Variants in DLGAP2 observed in about 807,000 individuals in gnomAD.
DLGAP2 encodes disks large-associated protein 2.
A neutral mutation model predicts 100.3 loss-of-function variants in DLGAP2; 26 were observed. The ratio of observed to expected loss-of-function variants is 0.26; its 90% CI spans 0.19 to 0.36. The LOEUF is 0.36. Ranked by LOEUF, DLGAP2 falls within the 10% of genes least tolerant of loss-of-function variation. The pLI is 1.00. For synonymous variants in DLGAP2, 886 were observed against 630.1 expected (o/e 1.41, Z -6.08); for missense variants, 1,858 against 1,453.2 (o/e 1.28, Z -4.53).
intron 1 of DLGAP2, among the ~76,000 whole-genome samples, chr8:765,965 G>A (rs561899442): frequency 1.3e-5 from 2 of 152,238 alleles, no homozygotes; most frequent in South Asian, 2.1e-4. Flanking sequence ...TCGGGAATTC[G>A]AGACCAGTCT....
intron 2 of DLGAP2, chr8:1,001,963 T>G (rs1225133162): frequency 6.6e-6 from 1 of 152,214 alleles, no homozygotes; most frequent in Admixed American, 6.5e-5. Flanking sequence ...ACCGGGCGAA[T>G]TGACTCTTTT....
At chr8:1,431,246 G>A (rs1189283056) in intron 3 of DLGAP2, among the ~76,000 whole-genome samples, 1 of 152,172 alleles carries the variant, frequency 6.6e-6, no homozygotes. Context: ...CACATCATTA[G>A]AATCATTATG....
At chr8:1,162,952 GA>G (rs1408519107) in intron 2 of DLGAP2, among the ~76,000 whole-genome samples, 1 of 152,228 alleles carries the variant, frequency 6.6e-6, no homozygotes, top group Non-Finnish European at 1.5e-5. Flanking sequence ...ATCTGGGGAG[GA>G]AAGTCAGAGC....
intron 6 of DLGAP2, among the ~76,000 whole-genome samples, chr8:1,582,608 A>G (rs1338534574): frequency 6.6e-6 from 1 of 151,548 alleles, no homozygotes; most frequent in East Asian, 1.9e-4. Flanking sequence ...TTCCCCCGCC[A>G]AGATGGAGTC....
intron 2 of DLGAP2, among the ~76,000 whole-genome samples, chr8:1,092,575 G>A (rs1804221569): frequency 6.6e-6 from 1 of 152,214 alleles, no homozygotes; most frequent in African/African-American, 2.4e-5. Flanking sequence ...ATCCACAGGT[G>A]GACCCACTTC....
chr8:1,445,859 C>T (rs1584912325), intron 3 of DLGAP2, among the ~76,000 whole-genome samples: 3 of 152,320 alleles, frequency 2.0e-5, no homozygotes, highest in African/African-American at 4.8e-5. Context: ...AGCATATTTT[C>T]ATGTGGTTTT....
Position 926,967 on chromosome 8 carries a change from G to T in DLGAP2, c.73+19001G>T, listed in dbSNP as rs888866233. ...TGCGCTGTGGGGGTGGGGACAGCGT[G>T]GGGGGAAGCCAGGAAAAGCCGGGGC... On this transcript the variant is annotated intron_variant, in intron 2 of 14. Coordinates refer to ENST00000637795, the MANE Select transcript of DLGAP2 (RefSeq NM_001346810.2). 44 of 954,740 alleles carry T rather than the reference G, an allele frequency of 4.6e-5. 1 individual carries two copies. In the Middle Eastern group the frequency reaches 1.6e-3, roughly 35 times the overall value. 59.1% of individuals were successfully genotyped at this position (954,740 alleles called of 1,614,324 possible).
intron 5 of DLGAP2, among the ~76,000 whole-genome samples, chr8:1,557,700 C>G (rs1482357447): frequency 6.6e-6 from 1 of 152,178 alleles, no homozygotes; most frequent in African/African-American, 2.4e-5. Context: ...CCAAGGCCAG[C>G]TCCTGCTGAG....
At chr8:1,609,518 A>G (rs1055544947) in intron 6 of DLGAP2, among the ~76,000 whole-genome samples, 1 of 137,444 alleles carries the variant, frequency 7.3e-6, no homozygotes, top group Non-Finnish European at 1.6e-5. Flanking sequence ...ACATAATGAC[A>G]GGATCAAATT....
At chr8:1,287,489 T>C (rs1799954484) in intron 3 of DLGAP2, among the ~76,000 whole-genome samples, 2 of 50,580 alleles carry the variant, frequency 4.0e-5, no homozygotes, top group Non-Finnish European at 6.9e-5. Context: ...TGTGTGTGTG[T>C]GTGTGTGGTT....
chr8:1,414,771 G>T (rs1332888510), intron 3 of DLGAP2, among the ~76,000 whole-genome samples: 1 of 152,210 alleles, frequency 6.6e-6, no homozygotes, highest in East Asian at 1.9e-4. Flanking sequence ...CACTTTCGGA[G>T]GCCAAGGTGG....
chr8:756,753 C>T (rs1820930935), intron 1 of DLGAP2, among the ~76,000 whole-genome samples: 2 of 152,158 alleles, frequency 1.3e-5, no homozygotes, highest in Admixed American at 6.5e-5. Context: ...GCCACACCCT[C>T]CTCACCCTGA....
chr8:1,352,649 C>G (rs973291172), intron 3 of DLGAP2, among the ~76,000 whole-genome samples: 2 of 152,198 alleles, frequency 1.3e-5, no homozygotes, highest in African/African-American at 4.8e-5. Context: ...GGTAAAGACT[C>G]GAACCCTGAC....
intron 3 of DLGAP2, among the ~76,000 whole-genome samples, chr8:1,307,797 A>G (rs978912306): frequency 7.9e-5 from 12 of 152,190 alleles, no homozygotes; most frequent in Admixed American, 7.9e-4. Flanking sequence ...TTCCCCTCAC[A>G]TGAGGTACGA....
At chr8:1,083,491 A>G (rs1340674884) in intron 2 of DLGAP2, among the ~76,000 whole-genome samples, 1 of 152,180 alleles carries the variant, frequency 6.6e-6, no homozygotes, top group Non-Finnish European at 1.5e-5. Context: ...TTAGTGCCCA[A>G]ATTTATGCTC....
At chr8:917,522 G>A (rs1798620117) in intron 2 of DLGAP2, among the ~76,000 whole-genome samples, 1 of 152,124 alleles carries the variant, frequency 6.6e-6, no homozygotes, top group South Asian at 2.1e-4. Flanking sequence ...ACAGGTGCGA[G>A]CTACTGCACC....
At chr8:1,258,295 A>T (rs1190369580) in intron 2 of DLGAP2, among the ~76,000 whole-genome samples, 1 of 152,210 alleles carries the variant, frequency 6.6e-6, no homozygotes, top group Non-Finnish European at 1.5e-5. Flanking sequence ...TCACCTATAT[A>T]CAATTAAGAA....
At chr8:1,108,975 G>A (rs1483968221) in intron 2 of DLGAP2, among the ~76,000 whole-genome samples, 4 of 145,148 alleles carry the variant, frequency 2.8e-5, no homozygotes, top group Non-Finnish European at 6.0e-5. Flanking sequence ...GTGTGTACGG[G>A]TCTGTGAGGT....
At position 1,107,554 on chromosome 8, in the gene DLGAP2, T is replaced by C. The variant is rs148257411; in HGVS notation, c.74-151297T>C. 4.4e-3 allele frequency among the ~76,000 whole-genome samples: 672 copies of C among 152,308 alleles called. 1 individual carries two copies. Among genetic ancestry groups the C allele is most frequent in the African/African-American group, 0.015 (635 of 41,554 alleles). ...GCGTGGGAAGCTCGTGTGCTGTTAT[T>C]TTCCAGCGGAATTCCAGGGTGGAAA... On this transcript the variant is annotated intron_variant, in intron 2 of 14. Transcript: ENST00000637795.
Sources: gnomAD v4.1 joint callset for allele counts (sites outside exome capture counted in the v4.1 genomes callset) on GRCh38, gnomAD v4.1.1 for gene constraint, MANE v1.5 for transcripts, NCBI Gene and HGNC (gene_info 2026-07-23, HGNC 2026-07-21) for gene names.